The following ASTN2 variants were observed in gnomAD, a reference collection of about 807,000 sequenced individuals.
ASTN2 encodes astrotactin 2, also known as astrotactin-2.
ASTN2 carries 54 observed loss-of-function variants against 139.8 expected under a neutral mutation model. The observed-to-expected ratio is 0.39, with a 90% confidence interval of 0.31 to 0.48. The LOEUF is 0.48. Among genes scored for constraint, ASTN2 ranks in the 20% least tolerant of loss-of-function variants. ASTN2 has a pLI of 0.95. For synonymous variants in ASTN2, 756 were observed against 719.5 expected, an observed-to-expected ratio of 1.05 and a Z score of -0.81; for missense variants, 1,565 against 1,725.1, an observed-to-expected ratio of 0.91 and a Z score of 1.64.
At chr9:117,045,569 C>T (rs138510629) in intron 5 of ASTN2, among the ~76,000 whole-genome samples, 273 of 152,160 alleles carry the variant, frequency 1.8e-3, no homozygotes, top group African/African-American at 6.0e-3. Context: ...GAAATTCGAC[C>T]GGAAATAACT....
At chr9:116,754,422 C>T (rs375778696) in intron 13 of ASTN2, among the ~76,000 whole-genome samples, 1 of 152,224 alleles carries the variant, frequency 6.6e-6, no homozygotes, top group East Asian at 1.9e-4. Flanking sequence ...TTTACACTCA[C>T]ACCAACAGTG....
chr9:117,226,614 T>TTTG (rs10646862), intron 2 of ASTN2, among the ~76,000 whole-genome samples: 62,219 of 147,836 alleles, frequency 0.42, 13,235 homozygotes, highest in Middle Eastern at 0.5. Context: ...TGTTTGTTTG[T>TTTG]TTTTTTAACA....
intron 5 of ASTN2, among the ~76,000 whole-genome samples, chr9:117,082,748 A>G (rs575194598): frequency 6.6e-6 from 1 of 152,204 alleles, no homozygotes; most frequent in African/African-American, 2.4e-5. Context: ...GGTTGCAGTG[A>G]GCTGAGATTG....
chr9:116,437,691 C>T (rs1413739672), intron 22 of ASTN2: 1 of 438,568 alleles, frequency 2.3e-6, no homozygotes, highest in African/African-American at 2.0e-5. Context: ...CTTCCTCTGT[C>T]CACAGGCAAG....
intron 2 of ASTN2, among the ~76,000 whole-genome samples, chr9:117,256,217 C>T (rs1833682236): frequency 1.3e-5 from 2 of 152,126 alleles, no homozygotes; most frequent in African/African-American, 2.4e-5. Context: ...ATACCCTGTG[C>T]TTCCTCCTCC....
intron 11 of ASTN2, 111 bp downstream of exon 11, chr9:116,863,472 G>A: frequency 7.1e-7 from 1 of 1,404,244 alleles, no homozygotes; most frequent in Non-Finnish European, 9.7e-7. Context: ...GGCAGATAAG[G>A]GTAGTGTGGA....
intron 19 of ASTN2, among the ~76,000 whole-genome samples, chr9:116,491,048 T>C (rs1419354971): frequency 1.3e-5 from 2 of 152,226 alleles, no homozygotes; most frequent in African/African-American, 4.8e-5. Context: ...GGCATGATTC[T>C]ATGTTCTGAA....
At chr9:117,344,184 A>AG (rs1335870607) in intron 1 of ASTN2, among the ~76,000 whole-genome samples, 2 of 133,076 alleles carry the variant, frequency 1.5e-5, no homozygotes, top group Non-Finnish European at 3.5e-5. Context: ...AAGCACGTGG[A>AG]GAAAAAAAAA....
intron 19 of ASTN2, among the ~76,000 whole-genome samples, chr9:116,607,670 AACACACACACACACACACACACACACAC>A (rs57512218): frequency 3.7e-5 from 5 of 136,284 alleles, no homozygotes; most frequent in African/African-American, 5.5e-5. Flanking sequence ...TTAAGAAATT[AACACACACACACACACACACACACACAC>A]ACACACACAC....
intron 10 of ASTN2, among the ~76,000 whole-genome samples, chr9:116,882,803 G>A (rs1280731875): frequency 1.3e-5 from 2 of 150,832 alleles, no homozygotes; most frequent in African/African-American, 2.4e-5. Context: ...CTGAAGCCTG[G>A]GTGACAGACA....
chr9:116,746,477 C>T (rs1350221698), intron 13 of ASTN2, among the ~76,000 whole-genome samples: 2 of 152,086 alleles, frequency 1.3e-5, no homozygotes, highest in African/African-American at 4.8e-5. Flanking sequence ...TCACTGGGGC[C>T]TCCTGGTTAA....
chr9:116,923,629 T>C (rs1834674555), intron 10 of ASTN2, among the ~76,000 whole-genome samples: 1 of 152,232 alleles, frequency 6.6e-6, no homozygotes, highest in Non-Finnish European at 1.5e-5. Flanking sequence ...CCCCTGGAGA[T>C]GGAGATTTCT....
At chr9:117,303,637 C>A (rs1834929924) in intron 1 of ASTN2, among the ~76,000 whole-genome samples, 1 of 152,192 alleles carries the variant, frequency 6.6e-6, no homozygotes, top group South Asian at 2.1e-4. Context: ...GATCCATATC[C>A]TTGTTTTTCA....
Position 117,060,494 on chromosome 9 carries a change from A to G in ASTN2, c.1277-20529T>C, listed in dbSNP as rs1471824396. 1.3e-3 allele frequency among the ~76,000 whole-genome samples: 104 copies of G among 81,230 alleles called. 9 individuals are homozygous for G. Among genetic ancestry groups the G allele is most frequent in the East Asian group, 3.2e-3 (8 of 2,500 alleles). The allele number at this position is 81,230 out of a possible 152,430, so 53.3% of individuals were successfully genotyped here. A position where few individuals can be genotyped will look rare whatever the true frequency, so the allele number is the denominator to read the frequency against. ...GAAGGAAGGAAGGAAGGAATGAAAG[A>G]AAGAAAGAAAGAAAGAAAGGAAGGA... On this transcript the variant is annotated intron_variant, in intron 5 of 22. Transcript: ENST00000313400.
intron 1 of ASTN2, among the ~76,000 whole-genome samples, chr9:117,365,829 A>G (rs578186566): frequency 1.3e-3 from 199 of 152,330 alleles, no homozygotes; most frequent in African/African-American, 4.6e-3. Context: ...GACAGTGGAA[A>G]TGCACTGGCC....
intron 10 of ASTN2, among the ~76,000 whole-genome samples, chr9:116,883,828 A>G (rs11791870): frequency 0.013 from 2,028 of 152,330 alleles, 19 homozygotes; most frequent in Non-Finnish European, 0.018. Context: ...ACCATCTACA[A>G]GCCATTATGC....
chr9:116,935,905 A>G lies in ASTN2; in HGVS notation c.1889+39303T>C, dbSNP rs547203125. Among the ~76,000 whole-genome samples the G allele has an allele frequency of 1.1e-3, 160 of 152,108 alleles. 1 individual carries two copies. Among genetic ancestry groups the G allele is most frequent in the African/African-American group, 3.7e-3 (154 of 41,504 alleles). On this transcript the variant is annotated intron_variant, in intron 10 of 22. Coordinates refer to ENST00000313400, the MANE Select transcript of ASTN2 (RefSeq NM_001365068.1). ...CTTTATATGAACCTTTGAAGTAAGT[A>G]CTATTACTATTCCTATTTTACAGGT...
At position 116,774,747 on chromosome 9, in the gene ASTN2, C is replaced by T. The variant is rs115815525; in HGVS notation, c.2396+30885G>A. ...TGTTCATATTTACCAACATATCCTT[C>T]CCTGTCCTCCTGCTAATCTCCCAGC... On this transcript the variant is annotated intron_variant, in intron 13 of 22. Transcript: ENST00000313400. 3.4e-3 allele frequency among the ~76,000 whole-genome samples: 514 copies of T among 152,250 alleles called. 2 individuals carry two copies. Among genetic ancestry groups the T allele is most frequent in the African/African-American group, 0.011 (443 of 41,530 alleles).
At chr9:117,146,532 GA>G (rs1830201768) in intron 3 of ASTN2, among the ~76,000 whole-genome samples, 2 of 151,142 alleles carry the variant, frequency 1.3e-5, no homozygotes, top group African/African-American at 4.9e-5. Flanking sequence ...ATAAAGAAGA[GA>G]AGACAAGAAA....
Sources: allele counts gnomAD v4.1 joint callset (sites outside exome capture counted in the v4.1 genomes callset), GRCh38; gene constraint gnomAD v4.1.1; transcripts MANE v1.5; gene names NCBI Gene and HGNC (gene_info 2026-07-23, HGNC 2026-07-21).